Variants in MCF2L2 observed in about 807,000 individuals in gnomAD.
MCF2L2 encodes the protein MCF.2 cell line derived transforming sequence-like 2.
MCF2L2 carries 102 observed loss-of-function variants against 150.2 expected under a neutral mutation model. The ratio of observed to expected loss-of-function variants is 0.68; its 90% CI spans 0.58 to 0.80. MCF2L2 has a LOEUF of 0.80. MCF2L2 is among the 30% of genes least tolerant of loss of function. The pLI, the probability that MCF2L2 is intolerant of heterozygous loss-of-function variation, is 0.00. For synonymous variants in MCF2L2, 465 were observed against 491.3 expected, an observed-to-expected ratio of 0.95 and a Z score of 0.71; for missense variants, 1,256 against 1,372.8, an observed-to-expected ratio of 0.91 and a Z score of 1.34.
chr3:183,364,323 T>C (rs1346010904), intron 3 of MCF2L2, among the ~76,000 whole-genome samples: 3 of 151,970 alleles, frequency 2.0e-5, no homozygotes, highest in Admixed American at 1.3e-4. Context: ...GAGACCATCC[T>C]GGCTAACACG....
intron 7 of MCF2L2, among the ~76,000 whole-genome samples, chr3:183,312,269 A>C (rs1232324737): frequency 1.3e-5 from 2 of 152,184 alleles, no homozygotes; most frequent in Non-Finnish European, 2.9e-5. Context: ...TTAATTATTT[A>C]AGTTTGGCAG....
At chr3:183,330,644 C>A (rs949378556) in intron 5 of MCF2L2, among the ~76,000 whole-genome samples, 1 of 152,136 alleles carries the variant, frequency 6.6e-6, no homozygotes, top group Non-Finnish European at 1.5e-5. Context: ...GTGAATTTTA[C>A]CTGATGTAAA....
intron 7 of MCF2L2, among the ~76,000 whole-genome samples, chr3:183,317,166 G>C (rs969256167): frequency 6.6e-6 from 1 of 152,170 alleles, no homozygotes; most frequent in Non-Finnish European, 1.5e-5. Context: ...AGTAGTGGTA[G>C]GTGCTCAATA....
At chr3:183,213,584 T>C (rs1452346303) in intron 22 of MCF2L2, among the ~76,000 whole-genome samples, 1 of 152,174 alleles carries the variant, frequency 6.6e-6, no homozygotes, top group Non-Finnish European at 1.5e-5. Flanking sequence ...CAGGTGATCA[T>C]AAACACCTGT....
chr3:183,421,011 T>C (rs1715856827), intron 1 of MCF2L2, among the ~76,000 whole-genome samples: 1 of 126,582 alleles, frequency 7.9e-6, no homozygotes, highest in Non-Finnish European at 1.6e-5. Flanking sequence ...CTTTTTGCTT[T>C]CTGTCATCTA....
chr3:183,382,051 T>TTTTTTA (rs1553791424), intron 2 of MCF2L2, among the ~76,000 whole-genome samples: 4 of 148,378 alleles, frequency 2.7e-5, no homozygotes, highest in Non-Finnish European at 6.0e-5. Flanking sequence ...AATTTCACCT[T>TTTTTTA]TTATTATTAT....
At chr3:183,229,458 C>T (rs1298416742) in intron 17 of MCF2L2, among the ~76,000 whole-genome samples, 1 of 152,194 alleles carries the variant, frequency 6.6e-6, no homozygotes, top group Non-Finnish European at 1.5e-5. Flanking sequence ...GGTCCCTGTT[C>T]CTTTGATGTC....
chr3:183,358,315 A>C (rs1307080279), intron 3 of MCF2L2, among the ~76,000 whole-genome samples: 2 of 152,128 alleles, frequency 1.3e-5, no homozygotes, highest in Non-Finnish European at 1.5e-5. Flanking sequence ...ATAAATAAGA[A>C]AAAAAAGAAA....
At chr3:183,224,319 T>C in intron 18 of MCF2L2, 129 bp from the exon 19 acceptor site, 6 of 627,432 alleles carry the variant, frequency 9.6e-6, no homozygotes, top group Non-Finnish European at 1.7e-5. Context: ...GGGTGTACAG[T>C]AAGTAATCTT....
chr3:183,273,957 G>A (rs934404693), intron 15 of MCF2L2, among the ~76,000 whole-genome samples: 9 of 152,206 alleles, frequency 5.9e-5, no homozygotes, highest in Admixed American at 3.3e-4. Context: ...GCTCACGCCT[G>A]TAATCCCAGC....
chr3:183,216,552 T>TTA (rs1302056111), intron 21 of MCF2L2, among the ~76,000 whole-genome samples: 659 of 33,048 alleles, frequency 0.02, 7 homozygotes, highest in African/African-American at 0.027. Context: ...AGTATATATA[T>TTA]TATATATATA....
chr3:183,281,409 G>A (rs1050758046), intron 14 of MCF2L2, among the ~76,000 whole-genome samples: 2 of 145,674 alleles, frequency 1.4e-5, no homozygotes, highest in Non-Finnish European at 3.0e-5. Flanking sequence ...TTGATATGGA[G>A]AACAGGAAGA....
chr3:183,401,852 C>T (rs1714773372), intron 1 of MCF2L2, among the ~76,000 whole-genome samples: 1 of 152,132 alleles, frequency 6.6e-6, no homozygotes, highest in African/African-American at 2.4e-5. Context: ...CAGGTTCTTC[C>T]CCAACTTGGG....
intron 4 of MCF2L2, 136 bp downstream of exon 4, chr3:183,341,404 A>T: frequency 1.5e-6 from 1 of 673,138 alleles, no homozygotes; most frequent in Non-Finnish European, 2.6e-6. Context: ...GGGATGTGAC[A>T]TAACAGCACC....
rs1722536022 is a variant in MCF2L2 at position 183,207,482 on chromosome 3, T to C, written c.2712+126A>G. ...GACCCGGCTATGGATTCTAGCCCTGTGGTGTGGTATTTGGCAAGTTAACTT... is the reference window on the plus strand; with the variant it reads ...GACCCGGCTATGGATTCTAGCCCTGCGGTGTGGTATTTGGCAAGTTAACTT... On this transcript the variant is annotated intron_variant, in intron 23 of 29. Transcript: ENST00000328913. The C allele has an allele frequency of 9.9e-6, 7 of 705,024 alleles. No individual in the cohort carries two copies. In the South Asian group the frequency reaches 1.1e-4, roughly 11 times the overall value. The allele number at this position is 705,024 out of a possible 1,614,324, so 43.7% of individuals were successfully genotyped here.
At chr3:183,327,110 A>C (rs1477523699) in intron 5 of MCF2L2, among the ~76,000 whole-genome samples, 3 of 152,198 alleles carry the variant, frequency 2.0e-5, no homozygotes, top group Non-Finnish European at 2.9e-5. Flanking sequence ...GCAGATCACG[A>C]GGTCAGGAAT....
At chr3:183,282,990 T>A (rs572267766) in intron 14 of MCF2L2, among the ~76,000 whole-genome samples, 2 of 152,360 alleles carry the variant, frequency 1.3e-5, no homozygotes, top group South Asian at 2.1e-4. Context: ...AAGCCTTTAC[T>A]TCTTATGTTC....
chr3:183,368,713 G>A (rs1161365138), intron 3 of MCF2L2, among the ~76,000 whole-genome samples: 1 of 152,246 alleles, frequency 6.6e-6, no homozygotes, highest in East Asian at 1.9e-4. Flanking sequence ...GCAGTGAGCC[G>A]AGATTGTGCC....
intron 6 of MCF2L2, among the ~76,000 whole-genome samples, 170 bp downstream of exon 6, chr3:183,323,065 C>T (rs1250501602): frequency 1.3e-5 from 2 of 152,164 alleles, no homozygotes; most frequent in Non-Finnish European, 2.9e-5. Context: ...GAAATCCCAG[C>T]CTTCGCCCTT....
Sources: allele counts gnomAD v4.1 joint callset (sites outside exome capture counted in the v4.1 genomes callset), GRCh38; gene constraint gnomAD v4.1.1; transcripts MANE v1.5; gene names NCBI Gene and HGNC (gene_info 2026-07-23, HGNC 2026-07-21).